HTR2A: variants seen among roughly 807,000 people sequenced by gnomAD.
HTR2A encodes 5-HT2 receptor.
In HTR2A, 14 loss-of-function variants were observed where a neutral mutation model predicts 31.0. The observed-to-expected ratio is 0.45, with a 90% CI of 0.30 to 0.71. HTR2A has a LOEUF of 0.71. HTR2A is among the 30% of genes least tolerant of loss of function. The probability of loss-of-function intolerance (pLI) is 0.09; values close to 1 mark genes in which losing one functional copy is unlikely to be tolerated. For synonymous variants in HTR2A, 209 were observed against 225.2 expected (o/e 0.93, Z 0.64); for missense variants, 442 against 573.3 (o/e 0.77, Z 2.34).
intron 3 of HTR2A, among the ~76,000 whole-genome samples, chr13:46,876,404 ATTTTT>A (rs1156826300): frequency 0.16 from 11,421 of 69,398 alleles, 458 homozygotes; most frequent in Non-Finnish European, 0.21. Flanking sequence ...ATATATATAT[ATTTTT>A]TTTTTTTTTT....
At chr13:46,862,914 CTT>C (rs750652320) in intron 3 of HTR2A, among the ~76,000 whole-genome samples, 3 of 152,202 alleles carry the variant, frequency 2.0e-5, no homozygotes, top group Non-Finnish European at 2.9e-5. Flanking sequence ...GTGTAAATGA[CTT>C]AAATCACTAA....
chr13:46,850,695 T>C (rs1016230010), intron 3 of HTR2A, among the ~76,000 whole-genome samples: 1 of 152,156 alleles, frequency 6.6e-6, no homozygotes, highest in African/African-American at 2.4e-5. Context: ...ACAGGCCTCC[T>C]TTTATCTGTG....
chr13:46,841,692 T>C (rs1162377263), intron 3 of HTR2A, among the ~76,000 whole-genome samples: 4 of 152,156 alleles, frequency 2.6e-5, no homozygotes, highest in African/African-American at 9.7e-5. Context: ...CTGTCTCCTC[T>C]GACCCTCCTT....
Position 46,892,396 on chromosome 13 carries a change from A to C in HTR2A, c.607T>G (p.Ser203Ala). The C allele has an allele frequency of 6.2e-7, 1 of 1,613,976 alleles. No individual in the cohort carries two copies. Among genetic ancestry groups the C allele is most frequent in the Non-Finnish European group, 8.5e-7 (1 of 1,179,832 alleles). The change falls in exon 3 of 4, where the codon TCA becomes GCA. Residue 203 changes from serine to alanine, a missense_variant. Transcript: ENST00000542664. ...FLKIIAVWTISVGISMPIPVF... is the reference protein window; with the variant it reads ...FLKIIAVWTIAVGISMPIPVF... ...GAAATATGTTGCCACTTACCTACTG[A>C]TATGGTCCAAACAGCAATGATTTTC...
At chr13:46,863,377 C>T (rs2138216749) in intron 3 of HTR2A, among the ~76,000 whole-genome samples, 1 of 152,136 alleles carries the variant, frequency 6.6e-6, no homozygotes, top group East Asian at 1.9e-4. Context: ...AATTTCAGCA[C>T]TTTGGAAGGC....
At chr13:46,894,729 C>T (rs1210529298) in intron 2 of HTR2A, among the ~76,000 whole-genome samples, 1 of 152,206 alleles carries the variant, frequency 6.6e-6, no homozygotes, top group Non-Finnish European at 1.5e-5. Flanking sequence ...GAAAGAATAT[C>T]ACATTCTGGT....
intron 3 of HTR2A, among the ~76,000 whole-genome samples, chr13:46,842,403 T>C (rs1041069568): frequency 6.6e-6 from 1 of 152,196 alleles, no homozygotes; most frequent in Non-Finnish European, 1.5e-5. Context: ...GAATGAGTCT[T>C]ACATGTGACA....
In HTR2A at chr13:46,896,093, T is replaced by C; in HGVS notation, c.-187A>G. The C allele has an allele frequency of 1.1e-5, 14 of 1,329,316 alleles. No homozygotes were observed. Among genetic ancestry groups the C allele is most frequent in the Non-Finnish European group, 1.3e-5 (14 of 1,046,630 alleles). 82.3% of individuals were successfully genotyped at this position (1,329,316 alleles called of 1,614,324 possible). A position where few individuals can be genotyped will look rare whatever the true frequency, so the allele number is the denominator to read the frequency against. On this transcript the variant is annotated 5_prime_UTR_variant, in exon 2 of 4. Coordinates refer to ENST00000542664, the MANE Select transcript of HTR2A (RefSeq NM_000621.5). The stretch of plus-strand genomic sequence containing the variant: ...TTAAAGAACTGAACTGTGGTGGCTG[T>C]AAGTTTTCTTCATTCACAATTTTAG...
intron 3 of HTR2A, among the ~76,000 whole-genome samples, chr13:46,867,580 G>C (rs1950827718): frequency 6.6e-6 from 1 of 152,202 alleles, no homozygotes; most frequent in African/African-American, 2.4e-5. Context: ...TTTGAATAGT[G>C]AATAATCTTT....
intron 3 of HTR2A, among the ~76,000 whole-genome samples, chr13:46,880,561 G>A (rs530450460): frequency 2.0e-5 from 3 of 152,238 alleles, no homozygotes; most frequent in East Asian, 3.9e-4. Flanking sequence ...ACTTCTGACC[G>A]GGCATGGTGG....
Position 46,834,849 on chromosome 13 carries a change from C to T in HTR2A, c.1404G>A (p.Val468=), listed in dbSNP as rs745333658. ...KDNSDGVNEK[V]SCV is the part of the protein sequence containing the mutation. ...GGCAACTAGCCTATCACACACAGCTCACCTTTTCATTCACTCCGTCGCTAT... is the reference window on the plus strand; with the variant it reads ...GGCAACTAGCCTATCACACACAGCTTACCTTTTCATTCACTCCGTCGCTAT... Residue 468 remains valine (V), a synonymous_variant, in exon 4 of 4, where the codon GTG becomes GTA. Coordinates refer to ENST00000542664, the MANE Select transcript of HTR2A (RefSeq NM_000621.5). 1 of 1,611,866 alleles carries T rather than the reference C, an allele frequency of 6.2e-7. No homozygotes were observed. The highest frequency in any genetic ancestry group is 8.5e-7 in the Non-Finnish European group (1 of 1,178,640).
chr13:46,864,368 C>T (rs1194517450), intron 3 of HTR2A, among the ~76,000 whole-genome samples: 2 of 152,142 alleles, frequency 1.3e-5, no homozygotes, highest in African/African-American at 4.8e-5. Flanking sequence ...AGTTTACCTA[C>T]ATGACAAACC....
intron 3 of HTR2A, among the ~76,000 whole-genome samples, chr13:46,874,526 T>G (rs1410657): frequency 0.61 from 92,204 of 152,026 alleles, 28,015 homozygotes; most frequent in East Asian, 0.68. Context: ...ACATATTTGT[T>G]TTCTCCCATG....
rs1022004359 is a variant in HTR2A at position 46,834,156 on chromosome 13, C to T, written c.*681G>A. The T allele has an allele frequency of 3.3e-5, 5 of 152,626 alleles. No homozygotes were observed. The highest frequency in any genetic ancestry group is 1.2e-4 in the African/African-American group (5 of 41,454). 9.5% of individuals were successfully genotyped at this position (152,626 alleles called of 1,614,324 possible). On this transcript the variant is annotated 3_prime_UTR_variant, in exon 4 of 4. Transcript: ENST00000542664. ...AAAGCACAAGAAGTAGAAGAGAAAG[C>T]AGCAATAGTTATTGAATAACATTTG... is the stretch of plus-strand genomic sequence containing the variant.
intron 3 of HTR2A, among the ~76,000 whole-genome samples, chr13:46,878,130 C>T (rs1409386878): frequency 2.0e-5 from 3 of 152,142 alleles, no homozygotes; most frequent in African/African-American, 7.2e-5. Context: ...TCATATGGCT[C>T]ACTTCAGTGG....
intron 3 of HTR2A, among the ~76,000 whole-genome samples, chr13:46,854,748 C>T (rs986370032): frequency 6.6e-6 from 1 of 152,154 alleles, no homozygotes; most frequent in Admixed American, 6.6e-5. Context: ...TGATAGCATT[C>T]CAAACAGCAA....
chr13:46,854,609 C>T (rs1378122168), intron 3 of HTR2A, among the ~76,000 whole-genome samples: 1 of 152,186 alleles, frequency 6.6e-6, no homozygotes, highest in Non-Finnish European at 1.5e-5. Flanking sequence ...TCATTATCCC[C>T]AGCCCTGGCT....
chr13:46,838,977 T>TAAACACACAC, intron 3 of HTR2A, among the ~76,000 whole-genome samples: 1 of 140,894 alleles, frequency 7.1e-6, no homozygotes, highest in East Asian at 2.0e-4. Context: ...GACACACACA[T>TAAACACACAC]ACACACACAC....
chr13:46,894,674 A>G (rs1951087259), intron 2 of HTR2A, among the ~76,000 whole-genome samples: 1 of 152,198 alleles, frequency 6.6e-6, no homozygotes, highest in Non-Finnish European at 1.5e-5. Flanking sequence ...CAGTCACAAT[A>G]GTCTCTCCTT....
Sources: gnomAD v4.1 joint callset for allele counts (sites outside exome capture counted in the v4.1 genomes callset) on GRCh38, gnomAD v4.1.1 for gene constraint, MANE v1.5 for transcripts, NCBI Gene and HGNC (gene_info 2026-07-23, HGNC 2026-07-21) for gene names.